The following XRCC4 variants were observed in gnomAD, a reference collection of about 807,000 sequenced individuals.
The protein encoded by XRCC4 is DNA repair protein XRCC4.
A neutral mutation model predicts 39.1 loss-of-function variants in XRCC4; 28 were observed. The observed-to-expected ratio is 0.72, with a 90% CI of 0.53 to 0.98. The LOEUF is 0.98. XRCC4 is among the 50% of genes least tolerant of loss of function. The pLI, the probability that XRCC4 is intolerant of heterozygous loss-of-function variation, is 0.00. For synonymous variants in XRCC4, 123 were observed against 126.4 expected (o/e 0.97, Z 0.18); for missense variants, 350 against 376.4 (o/e 0.93, Z 0.58).
At chr5:83,309,601 A>T (rs932507788) in intron 7 of XRCC4, among the ~76,000 whole-genome samples, 2 of 151,458 alleles carry the variant, frequency 1.3e-5, no homozygotes, top group Non-Finnish European at 2.9e-5. Flanking sequence ...CTCTACTAAA[A>T]ATACAACAAA....
chr5:83,306,637 G>A (rs754324852), intron 7 of XRCC4, among the ~76,000 whole-genome samples: 12 of 152,170 alleles, frequency 7.9e-5, no homozygotes, highest in East Asian at 1.9e-4. Context: ...AATTTGCATG[G>A]TTTAGGCTTT....
intron 1 of XRCC4, among the ~76,000 whole-genome samples, chr5:83,098,556 TC>T (rs906876204): frequency 9.2e-5 from 14 of 152,176 alleles, no homozygotes; most frequent in Admixed American, 3.3e-4. Context: ...TAGAAAAAAA[TC>T]TAACTCAAAA....
At chr5:83,094,635 A>G (rs1423629516) in intron 1 of XRCC4, among the ~76,000 whole-genome samples, 1 of 148,890 alleles carries the variant, frequency 6.7e-6, no homozygotes, top group Non-Finnish European at 1.5e-5. Flanking sequence ...TTGTTCATGT[A>G]TTTTCAAAAT....
the XRCC4 span, among the ~76,000 whole-genome samples, chr5:83,373,638 C>T: frequency 6.6e-6 from 1 of 152,174 alleles, no homozygotes; most frequent in Non-Finnish European, 1.5e-5. Flanking sequence ...CAATCCTGAT[C>T]ACATGAAGAA....
intron 3 of XRCC4, among the ~76,000 whole-genome samples, chr5:83,189,853 T>A (rs899138469): frequency 2.6e-5 from 4 of 152,084 alleles, no homozygotes; most frequent in African/African-American, 9.7e-5. Context: ...TCAATTTAGG[T>A]CAGGAGTTCG....
At chr5:83,280,132 A>T in intron 7 of XRCC4, 1 of 223,512 alleles carries the variant, frequency 4.5e-6, no homozygotes, top group Non-Finnish European at 9.7e-6. Flanking sequence ...CTGGGCTAAA[A>T]CACCAGTCTC....
intron 3 of XRCC4, among the ~76,000 whole-genome samples, chr5:83,144,932 G>C (rs1405183636): frequency 2.0e-5 from 3 of 152,040 alleles, no homozygotes; most frequent in Non-Finnish European, 4.4e-5. Flanking sequence ...GTCTCACTCT[G>C]TTGCCCAGGC....
chr5:83,201,190 C>T (rs894075733), intron 4 of XRCC4: 2 of 152,206 alleles, frequency 1.3e-5, no homozygotes, highest in Non-Finnish European at 2.9e-5. Flanking sequence ...TAGCCATTCT[C>T]CTTGGCTCTT....
intron 3 of XRCC4, among the ~76,000 whole-genome samples, chr5:83,171,560 A>G (rs1413140696): frequency 6.6e-6 from 1 of 152,188 alleles, no homozygotes; most frequent in Non-Finnish European, 1.5e-5. Context: ...CCAAAAGATA[A>G]CAATCTACTA....
chr5:83,303,316 G>C (rs1279672957), intron 7 of XRCC4, among the ~76,000 whole-genome samples: 1 of 151,706 alleles, frequency 6.6e-6, no homozygotes, highest in Non-Finnish European at 1.5e-5. Context: ...GTAAAATTAA[G>C]TGAAAGATAT....
At chr5:83,278,303 A>C (rs1197964462) in intron 7 of XRCC4, among the ~76,000 whole-genome samples, 3 of 152,218 alleles carry the variant, frequency 2.0e-5, no homozygotes, top group African/African-American at 7.2e-5. Context: ...AACATAAATT[A>C]ATTTTGGTCA....
intron 3 of XRCC4, among the ~76,000 whole-genome samples, chr5:83,136,752 A>C (rs1263256058): frequency 6.6e-6 from 1 of 152,192 alleles, no homozygotes; most frequent in African/African-American, 2.4e-5. Context: ...AGTACTCTTC[A>C]TTGATTTAAT....
intron 7 of XRCC4, among the ~76,000 whole-genome samples, chr5:83,346,652 CAGTG>C (rs1323371846): frequency 2.6e-5 from 4 of 152,088 alleles, no homozygotes; most frequent in African/African-American, 7.2e-5. Flanking sequence ...TTTCCTAACA[CAGTG>C]AGCTGTTCAT....
chr5:83,286,638 C>T (rs1477862185), intron 7 of XRCC4, among the ~76,000 whole-genome samples: 1 of 152,076 alleles, frequency 6.6e-6, no homozygotes, highest in East Asian at 1.9e-4. Context: ...ATATCCCTTA[C>T]TGAAAGTCAA....
At chr5:83,311,502 T>G (rs1755708789) in intron 7 of XRCC4, among the ~76,000 whole-genome samples, 1 of 152,108 alleles carries the variant, frequency 6.6e-6, no homozygotes, top group Admixed American at 6.6e-5. Context: ...ACGTATCAAT[T>G]AAAAAATAGA....
chr5:83,086,379 A>G (rs749358294), intron 1 of XRCC4, among the ~76,000 whole-genome samples: 1 of 152,248 alleles, frequency 6.6e-6, no homozygotes, highest in Non-Finnish European at 1.5e-5. Context: ...GTTGATTAAC[A>G]TATGTTTTGT....
intron 3 of XRCC4, among the ~76,000 whole-genome samples, chr5:83,160,664 G>C (rs2112582296): frequency 6.6e-6 from 1 of 152,252 alleles, no homozygotes; most frequent in South Asian, 2.1e-4. Flanking sequence ...TAATTAAGTA[G>C]CATGTTCATG....
intron 7 of XRCC4, among the ~76,000 whole-genome samples, chr5:83,283,458 T>G (rs1186774129): frequency 1.3e-5 from 2 of 152,224 alleles, no homozygotes; most frequent in African/African-American, 4.8e-5. Context: ...CTATTATTTT[T>G]GAGGTGCCAG....
At chr5:83,120,013 A>C (rs1436047426) in intron 3 of XRCC4, among the ~76,000 whole-genome samples, 5 of 151,268 alleles carry the variant, frequency 3.3e-5, no homozygotes, top group Non-Finnish European at 7.4e-5. Flanking sequence ...AAAAAAAAAA[A>C]AACAATAACA....
Sources: gnomAD v4.1 joint callset for allele counts (sites outside exome capture counted in the v4.1 genomes callset) on GRCh38, gnomAD v4.1.1 for gene constraint, MANE v1.5 for transcripts, NCBI Gene and HGNC (gene_info 2026-07-23, HGNC 2026-07-21) for gene names.